Variants in MYO3B observed in about 807,000 individuals in gnomAD.
MYO3B encodes myosin IIIB, also known as myosin-IIIb.
In MYO3B, 156 loss-of-function variants were observed where a neutral mutation model predicts 174.6. The ratio of observed to expected loss-of-function variants is 0.89; its 90% CI spans 0.78 to 1.02. The LOEUF is 1.02. MYO3B is among the 50% of genes least tolerant of loss of function. The probability of loss-of-function intolerance (pLI) is 0.00; values close to 1 mark genes in which losing one functional copy is unlikely to be tolerated. For missense variants in MYO3B, 1,632 were observed against 1,639.4 expected (o/e 1.00, Z 0.08); for synonymous variants, 563 against 569.1 (o/e 0.99, Z 0.15).
intron 32 of MYO3B, among the ~76,000 whole-genome samples, chr2:170,572,682 T>G (rs1158594842): frequency 6.6e-6 from 1 of 151,738 alleles, no homozygotes; most frequent in Non-Finnish European, 1.5e-5. Flanking sequence ...AAGGCCAAAG[T>G]TAGCACCTTT....
rs71008706 is a variant in MYO3B, at chr2:170,641,858, T to TG, written c.3734-9756dup. On this transcript the variant is annotated intron_variant, in intron 32 of 34. Coordinates refer to ENST00000408978, the MANE Select transcript of MYO3B (RefSeq NM_138995.5). Reference sequence around the variant, plus strand: ...AAATATTTATGACTTTATTGTTAAGTGGGGGGGGGGGGGGAGGGGCGGGGA... The same window carrying TG: ...AAATATTTATGACTTTATTGTTAAGTGGGGGGGGGGGGGGGAGGGGCGGGGA... Among the ~76,000 whole-genome samples the TG allele has an allele frequency of 5.1e-3, 147 of 28,820 alleles. 1 individual carries two copies. In the East Asian group the frequency reaches 0.09, roughly 18 times the overall value. 18.9% of individuals were successfully genotyped at this position (28,820 alleles called of 152,430 possible).
At chr2:170,636,155 G>C (rs769846742) in intron 32 of MYO3B, among the ~76,000 whole-genome samples, 1 of 152,042 alleles carries the variant, frequency 6.6e-6, no homozygotes, top group Non-Finnish European at 1.5e-5. Flanking sequence ...TGTGTGTTAC[G>C]ATCTCTCGCC....
At chr2:170,490,560 G>A (rs1039585222) in intron 25 of MYO3B, among the ~76,000 whole-genome samples, 4 of 151,870 alleles carry the variant, frequency 2.6e-5, no homozygotes, top group Admixed American at 2.6e-4. Context: ...TGCTGGATAG[G>A]ACGTCTGGTA....
chr2:170,569,672 G>A (rs991608704), intron 32 of MYO3B, among the ~76,000 whole-genome samples: 1 of 151,682 alleles, frequency 6.6e-6, no homozygotes, highest in Non-Finnish European at 1.5e-5. Flanking sequence ...GACCAGCCTG[G>A]CCAACATGGT....
At chr2:170,301,100 TGGGCA>T (rs1214745027) in intron 7 of MYO3B, among the ~76,000 whole-genome samples, 1 of 152,200 alleles carries the variant, frequency 6.6e-6, no homozygotes, top group African/African-American at 2.4e-5. Flanking sequence ...GGACTCTAAC[TGGGCA>T]GCAATGAGAA....
At chr2:170,511,643 A>T (rs1355075338) in intron 28 of MYO3B, among the ~76,000 whole-genome samples, 2 of 152,238 alleles carry the variant, frequency 1.3e-5, no homozygotes, top group Non-Finnish European at 2.9e-5. Context: ...GAAATCTCAT[A>T]TAATCCAGAC....
intron 30 of MYO3B, among the ~76,000 whole-genome samples, chr2:170,522,588 C>G (rs1292065549): frequency 1.3e-5 from 2 of 152,102 alleles, no homozygotes; most frequent in African/African-American, 4.8e-5. Context: ...TATTTTAGAC[C>G]AAAAAAGGTT....
intron 32 of MYO3B, among the ~76,000 whole-genome samples, chr2:170,619,734 A>G (rs1404969093): frequency 3.0e-5 from 1 of 33,520 alleles, no homozygotes; most frequent in Non-Finnish European, 7.4e-5. Flanking sequence ...CTGCTGCCAT[A>G]TTCTTTTTTT....
chr2:170,620,923 C>G (rs930740237), intron 32 of MYO3B, among the ~76,000 whole-genome samples: 1 of 152,104 alleles, frequency 6.6e-6, no homozygotes, highest in African/African-American at 2.4e-5. Flanking sequence ...GAGTCTTGCT[C>G]TGTCACCCAG....
intron 32 of MYO3B, among the ~76,000 whole-genome samples, chr2:170,619,237 C>G (rs1006524268): frequency 6.6e-6 from 1 of 152,090 alleles, no homozygotes; most frequent in Non-Finnish European, 1.5e-5. Context: ...ATCTGCCTTT[C>G]TAGGATAGGA....
chr2:170,403,116 A>G, intron 19 of MYO3B, 121 bp downstream of exon 19: 2 of 931,916 alleles, frequency 2.1e-6, no homozygotes, highest in Non-Finnish European at 3.0e-6. Flanking sequence ...AAAATAGGGT[A>G]AGGCAGTCCT....
At chr2:170,528,808 C>T (rs1392389623) in intron 30 of MYO3B, among the ~76,000 whole-genome samples, 1 of 152,210 alleles carries the variant, frequency 6.6e-6, no homozygotes, top group East Asian at 1.9e-4. Context: ...TAGCTGAAGT[C>T]ACATCATCAT....
At chr2:170,318,123 A>G (rs1337644511) in intron 7 of MYO3B, among the ~76,000 whole-genome samples, 5 of 152,218 alleles carry the variant, frequency 3.3e-5, no homozygotes, top group African/African-American at 1.2e-4. Flanking sequence ...AATGAAATAC[A>G]TTTGTGACAG....
At chr2:170,285,514 C>T (rs559197872) in intron 7 of MYO3B, among the ~76,000 whole-genome samples, 21 of 152,210 alleles carry the variant, frequency 1.4e-4, no homozygotes, top group Non-Finnish European at 2.5e-4. Flanking sequence ...GCATGTGCCA[C>T]TATGCCCAGC....
intron 23 of MYO3B, among the ~76,000 whole-genome samples, chr2:170,457,385 AAT>A (rs2105941889): frequency 6.6e-6 from 1 of 151,984 alleles, no homozygotes; most frequent in East Asian, 1.9e-4. Context: ...TTTTTTTTGT[AAT>A]AACACTTAGC....
At chr2:170,564,453 A>G (rs1160535870) in intron 32 of MYO3B, among the ~76,000 whole-genome samples, 1 of 152,228 alleles carries the variant, frequency 6.6e-6, no homozygotes. Context: ...AGCCTGGGCA[A>G]TGGAACGAGC....
rs546084604 is a variant in MYO3B, at chr2:170,466,571, A to T, written c.2874A>T (p.Lys958Asn). Residue 958 changes from lysine (K) to asparagine (N), a missense_variant, in exon 25 of 35, where the codon AAA becomes AAT. Physicochemically the swap from Lys to Asn is moderately conservative, Grantham distance 94. Coordinates refer to ENST00000408978, the MANE Select transcript of MYO3B (RefSeq NM_138995.5). ...AGCCCCACTTTGTGCGCTGCATTAA[A>T]CCCAATGATGACCGAGAGGCCCTGC... ...VGQPHFVRCI[K>N]PNDDREALQF... is the part of the protein sequence containing the mutation. The T allele has an allele frequency of 3.1e-6, 5 of 1,613,946 alleles. No individual in the cohort carries two copies. In the East Asian group the frequency reaches 1.1e-4, roughly 36 times the overall value.
intron 25 of MYO3B, among the ~76,000 whole-genome samples, chr2:170,469,511 C>T (rs1269674969): frequency 6.6e-6 from 1 of 152,158 alleles, no homozygotes; most frequent in East Asian, 1.9e-4. Context: ...TCATTGGCAT[C>T]TTCCATTTCT....
intron 25 of MYO3B, among the ~76,000 whole-genome samples, chr2:170,495,195 T>C (rs973136840): frequency 3.9e-5 from 6 of 152,226 alleles, no homozygotes; most frequent in Non-Finnish European, 8.8e-5. Context: ...AGGGGTAAAA[T>C]GGATCTTTCC....
Sources: gnomAD v4.1 joint callset for allele counts (sites outside exome capture counted in the v4.1 genomes callset) on GRCh38, gnomAD v4.1.1 for gene constraint, MANE v1.5 for transcripts, NCBI Gene and HGNC (gene_info 2026-07-23, HGNC 2026-07-21) for gene names.